The following OSGIN2 variants were observed in gnomAD, a reference collection of about 807,000 sequenced individuals.
OSGIN2 encodes the protein oxidative stress-induced growth inhibitor 2.
In OSGIN2, 19 loss-of-function variants were observed where a neutral mutation model predicts 53.8. The ratio of observed to expected loss-of-function variants is 0.35; its 90% CI spans 0.25 to 0.52. The LOEUF (loss-of-function observed/expected upper bound fraction) is 0.52, where lower values mean the gene tolerates loss of function less well. Ranked by LOEUF, OSGIN2 falls within the 20% of genes least tolerant of loss-of-function variation. The probability of loss-of-function intolerance (pLI) is 0.95; values close to 1 mark genes in which losing one functional copy is unlikely to be tolerated. For synonymous variants in OSGIN2, 236 were observed against 236.0 expected, an observed-to-expected ratio of 1.00 and a Z score of 0.00; for missense variants, 520 against 662.7, an observed-to-expected ratio of 0.78 and a Z score of 2.36.
rs1384478823 is a variant in OSGIN2 at position 89,925,792 on chromosome 8, CT to C, written c.*262del. On this transcript the variant is annotated 3_prime_UTR_variant, in exon 6 of 6. Transcript: ENST00000451899. ...TTTCATTTAACTAAAACATTCTTTT[CT>C]TGCAAAACTTATTTTTCATGATCAT... 6 of 357,334 alleles carry C rather than the reference CT, an allele frequency of 1.7e-5. No individual in the cohort carries two copies. The highest frequency in any genetic ancestry group is 2.5e-5 in the Non-Finnish European group (5 of 197,714). 22.1% of individuals were successfully genotyped at this position (357,334 alleles called of 1,614,324 possible). A position where few individuals can be genotyped will look rare whatever the true frequency, so the allele number is the denominator to read the frequency against.
chr8:89,914,003 A>C (rs1586003007), intron 2 of OSGIN2, 74 bp from the exon 3 acceptor site: 6 of 1,289,710 alleles, frequency 4.7e-6, no homozygotes, highest in Non-Finnish European at 6.6e-6. Flanking sequence ...GCCATCTTCA[A>C]AGTAGGACAA....
chr8:89,910,029 G>C (rs903275107), intron 2 of OSGIN2, among the ~76,000 whole-genome samples: 4 of 152,136 alleles, frequency 2.6e-5, no homozygotes, highest in African/African-American at 9.7e-5. Context: ...GCTCTGAAGA[G>C]TATTCTATGT....
chr8:89,917,420 A>G (rs990593821), intron 4 of OSGIN2, among the ~76,000 whole-genome samples: 3 of 152,186 alleles, frequency 2.0e-5, no homozygotes, highest in Non-Finnish European at 4.4e-5. Flanking sequence ...TCTGTAGTCC[A>G]TGGAGTTAAC....
intron 1 of OSGIN2, among the ~76,000 whole-genome samples, chr8:89,907,103 T>C (rs756039014): frequency 6.6e-6 from 1 of 152,286 alleles, no homozygotes; most frequent in Non-Finnish European, 1.5e-5. Flanking sequence ...TTGCCCACTT[T>C]TCTGTGGGGT....
chr8:89,909,825 C>A, intron 2 of OSGIN2, 104 bp downstream of exon 2: 1 of 727,120 alleles, frequency 1.4e-6, no homozygotes, highest in Non-Finnish European at 2.0e-6. Context: ...GAAAAGTATT[C>A]TTAGGTGGTT....
intron 2 of OSGIN2, among the ~76,000 whole-genome samples, chr8:89,911,456 C>A (rs1008175384): frequency 2.6e-5 from 4 of 151,834 alleles, no homozygotes; most frequent in African/African-American, 9.7e-5. Context: ...ATGGTGAAAC[C>A]CCGTCTCTAC....
At chr8:89,907,817 G>C (rs1167743235) in intron 1 of OSGIN2, among the ~76,000 whole-genome samples, 2 of 152,170 alleles carry the variant, frequency 1.3e-5, no homozygotes, top group African/African-American at 4.8e-5. Flanking sequence ...AGTTTAATGG[G>C]AATAGCATTG....
At chr8:89,923,814 T>G (rs934888836) in intron 5 of OSGIN2, among the ~76,000 whole-genome samples, 3 of 152,238 alleles carry the variant, frequency 2.0e-5, no homozygotes, top group Non-Finnish European at 2.9e-5. Flanking sequence ...ATAATTTGCT[T>G]CTTATCTCTG....
chr8:89,909,417 T>C (rs1808919908), intron 1 of OSGIN2, 150 bp from the exon 2 acceptor site: 1 of 484,364 alleles, frequency 2.1e-6, no homozygotes, highest in Non-Finnish European at 3.5e-6. Flanking sequence ...AAGCTACTAA[T>C]TTGAAAGCAT....
rs139149044 is a variant in OSGIN2, at chr8:89,904,550, C to T, written c.44+1713C>T. On this transcript the variant is annotated intron_variant, in intron 1 of 5. Transcript: ENST00000451899. Reference sequence around the variant, plus strand: ...AGTATTTTTTTTTTTAGTTGTTTACCAGCTCCTTCAGGAATATGTTTCTGA... The same window carrying T: ...AGTATTTTTTTTTTTAGTTGTTTACTAGCTCCTTCAGGAATATGTTTCTGA... 5.3e-3 allele frequency among the ~76,000 whole-genome samples: 800 copies of T among 151,754 alleles called. 13 individuals are homozygous for T. The highest frequency in any genetic ancestry group is 0.044 in the Admixed American group (663 of 15,234).
intron 4 of OSGIN2, among the ~76,000 whole-genome samples, chr8:89,917,243 A>C (rs1034832189): frequency 5.9e-5 from 9 of 152,230 alleles, no homozygotes; most frequent in Admixed American, 2.6e-4. Flanking sequence ...CTTATCTGTC[A>C]TAACTACTCA....
chr8:89,902,965 C>G (rs1485917747), intron 1 of OSGIN2, 128 bp downstream of exon 1: 2 of 494,842 alleles, frequency 4.0e-6, no homozygotes, highest in Non-Finnish European at 6.1e-6. Context: ...CCCGCCTCGG[C>G]CGTCCTGCCT....
At chr8:89,924,135 TTGA>T (rs1352369063) in intron 5 of OSGIN2, among the ~76,000 whole-genome samples, 3 of 152,198 alleles carry the variant, frequency 2.0e-5, no homozygotes, top group Non-Finnish European at 4.4e-5. Context: ...AATAATTCAG[TTGA>T]TAGTTATAGA....
At chr8:89,903,705 T>C (rs1808777760) in intron 1 of OSGIN2, among the ~76,000 whole-genome samples, 1 of 152,194 alleles carries the variant, frequency 6.6e-6, no homozygotes, top group African/African-American at 2.4e-5. Flanking sequence ...TAATATTCAG[T>C]TAAAATATAA....
rs1809274682 is a variant in OSGIN2 at position 89,924,577 on chromosome 8, T to C, written c.695T>C (p.Leu232Pro). Residue 232 changes from leucine to proline, a missense_variant, in exon 6 of 6, where the codon CTT (leucine) becomes CCT (proline). Physicochemically the swap from Leu to Pro is moderately conservative, Grantham distance 98. Around this residue, in one of 3 missense-constraint regions of OSGIN2, gnomAD observed 78 missense variants for 59.1 expected, o/e 1.32. Coordinates refer to ENST00000451899, the MANE Select transcript of OSGIN2 (RefSeq NM_001126111.3). ...AAACATTATGTAAAAGTCATGGGTC[T>C]TCAGAAGAATTTCAGAGAGAATACT... ...YYKHYVKVMG[L>P]QKNFRENTYI... The C allele has an allele frequency of 4.3e-6, 7 of 1,613,904 alleles. No individual in the cohort carries two copies. The highest frequency in any genetic ancestry group is 5.9e-6 in the Non-Finnish European group (7 of 1,179,784).
chr8:89,916,620 TCTC>T (rs574478580), intron 4 of OSGIN2, among the ~76,000 whole-genome samples: 3 of 152,192 alleles, frequency 2.0e-5, no homozygotes, highest in African/African-American at 4.8e-5. Context: ...ATCACCCCTC[TCTC>T]CTACTTAGCT....
intron 2 of OSGIN2, among the ~76,000 whole-genome samples, chr8:89,912,641 G>A (rs942408111): frequency 2.0e-5 from 3 of 151,984 alleles, no homozygotes; most frequent in South Asian, 4.2e-4. Flanking sequence ...AGCTACTTGG[G>A]AGGCTGAGGC....
chr8:89,920,318 C>T (rs559450766), intron 4 of OSGIN2, among the ~76,000 whole-genome samples: 9 of 152,142 alleles, frequency 5.9e-5, no homozygotes, highest in African/African-American at 1.9e-4. Context: ...ATAATATGCC[C>T]CATTTTCAAA....
chr8:89,925,168 C>G lies in OSGIN2; in HGVS notation c.1286C>G (p.Ser429Cys), dbSNP rs1457351046. Residue 429 changes from serine (S) to cysteine (C), a missense_variant, in exon 6 of 6, where the codon TCC (serine) becomes TGC (cysteine). Around this residue, in one of 3 missense-constraint regions of OSGIN2, gnomAD observed 239 missense variants for 328.3 expected, o/e 0.73. Coordinates refer to ENST00000451899, the MANE Select transcript of OSGIN2 (RefSeq NM_001126111.3). Reference sequence around the variant, plus strand: ...AGCTTTCCCGAGCACCGTGTGCTTTCCTTTAAGTCGGACATGAAATGTGTT... The same window carrying G: ...AGCTTTCCCGAGCACCGTGTGCTTTGCTTTAAGTCGGACATGAAATGTGTT... Reference protein sequence around the residue: ...YTSFPEHRVLSFKSDMKCVLQ... With the variant: ...YTSFPEHRVLCFKSDMKCVLQ... 1.9e-6 allele frequency: 3 copies of G among 1,613,970 alleles called. No homozygotes were observed. The highest frequency in any genetic ancestry group is 1.7e-6 in the Non-Finnish European group (2 of 1,180,008).
Sources: gnomAD v4.1 joint callset for allele counts (sites outside exome capture counted in the v4.1 genomes callset) on GRCh38, gnomAD v4.1.1 for gene constraint, gnomAD v4.1.1 regional missense constraint, MANE v1.5 for transcripts, NCBI Gene and HGNC (gene_info 2026-07-23, HGNC 2026-07-21) for gene names.